The following LRMDA variants were observed in gnomAD, a reference collection of about 807,000 sequenced individuals.
The protein encoded by LRMDA is leucine rich melanocyte differentiation associated.
Under a neutral mutation model 29.8 loss-of-function variants are expected in LRMDA, and 18 were observed. The observed-to-expected ratio is 0.60, with a 90% CI of 0.42 to 0.90. The LOEUF (loss-of-function observed/expected upper bound fraction) is 0.90. LRMDA is among the 40% of genes least tolerant of loss of function. The pLI is 0.00. For synonymous variants in LRMDA, 125 were observed against 109.4 expected, an observed-to-expected ratio of 1.14 and a Z score of -0.89; for missense variants, 273 against 273.9, an observed-to-expected ratio of 1.00 and a Z score of 0.02.
chr10:75,807,696 C>T (rs1843880231), intron 2 of LRMDA, among the ~76,000 whole-genome samples: 1 of 152,024 alleles, frequency 6.6e-6, no homozygotes, highest in African/African-American at 2.4e-5. Flanking sequence ...ATATAAGAGG[C>T]TGTGGGAATG....
At chr10:75,783,163 A>G (rs1049239432) in intron 2 of LRMDA, 3 of 1,121,158 alleles carry the variant, frequency 2.7e-6, no homozygotes, top group Admixed American at 4.2e-5. Flanking sequence ...TTCTTTTAAC[A>G]TTGTCAGTGA....
intron 2 of LRMDA, among the ~76,000 whole-genome samples, chr10:75,686,959 A>G (rs1564539888): frequency 6.6e-6 from 1 of 152,142 alleles, no homozygotes; most frequent in Non-Finnish European, 1.5e-5. Context: ...TGTTCCCATT[A>G]TAATTGTTTT....
intron 6 of LRMDA, among the ~76,000 whole-genome samples, chr10:76,412,384 G>C (rs1009916461): frequency 5.3e-5 from 8 of 152,166 alleles, no homozygotes; most frequent in Non-Finnish European, 1.0e-4. Context: ...CAGAAAGGAA[G>C]GCACACAACC....
In LRMDA at chr10:75,741,951, G is replaced by A. The variant is rs139444117; in HGVS notation, c.132-294057G>A. On this transcript the variant is annotated intron_variant, in intron 2 of 6. Coordinates refer to ENST00000611255, the MANE Select transcript of LRMDA (RefSeq NM_001305581.2). ...CCTTATAAAAGGAATCCGTGAGAGCGCTGTGAGGACAGAATGCAAAGACAG... is the reference window on the plus strand; with the variant it reads ...CCTTATAAAAGGAATCCGTGAGAGCACTGTGAGGACAGAATGCAAAGACAG... 1.3e-4 allele frequency among the ~76,000 whole-genome samples: 20 copies of A among 152,250 alleles called. No homozygotes were observed. In the East Asian group the frequency reaches 3.5e-3, roughly 27 times the overall value.
chr10:76,335,179 T>C (rs1353084680), intron 6 of LRMDA, among the ~76,000 whole-genome samples: 1 of 152,226 alleles, frequency 6.6e-6, no homozygotes, highest in Non-Finnish European at 1.5e-5. Flanking sequence ...ATTCTACATT[T>C]CCAGTTAGCT....
At chr10:76,479,610 A>G (rs1002001912) in intron 6 of LRMDA, among the ~76,000 whole-genome samples, 1 of 151,876 alleles carries the variant, frequency 6.6e-6, no homozygotes, top group African/African-American at 2.4e-5. Flanking sequence ...GATGAGAAAC[A>G]CCAAATGCTA....
At chr10:75,508,291 G>A (rs1845190576) in intron 2 of LRMDA, among the ~76,000 whole-genome samples, 1 of 152,080 alleles carries the variant, frequency 6.6e-6, no homozygotes. Context: ...TCCACCATTA[G>A]CAATCATTCT....
At chr10:75,796,056 A>G (rs1377278767) in intron 2 of LRMDA, among the ~76,000 whole-genome samples, 3 of 152,220 alleles carry the variant, frequency 2.0e-5, no homozygotes, top group Admixed American at 2.0e-4. Flanking sequence ...GTATCTAGCA[A>G]CCTTGCTAAA....
At chr10:75,849,434 T>C (rs960582191) in intron 2 of LRMDA, among the ~76,000 whole-genome samples, 2 of 151,960 alleles carry the variant, frequency 1.3e-5, no homozygotes, top group Non-Finnish European at 2.9e-5. Flanking sequence ...TAAAAAGGAA[T>C]GAGATCATGT....
chr10:76,196,536 A>G (rs563022864), intron 5 of LRMDA, among the ~76,000 whole-genome samples: 3 of 152,092 alleles, frequency 2.0e-5, no homozygotes, highest in Non-Finnish European at 4.4e-5. Context: ...ACTTCCTTAC[A>G]CTGCTTTGCT....
intron 6 of LRMDA, among the ~76,000 whole-genome samples, chr10:76,486,962 A>C (rs1842788272): frequency 6.6e-6 from 1 of 151,882 alleles, no homozygotes; most frequent in Non-Finnish European, 1.5e-5. Context: ...TTGGACAACT[A>C]ATAAAGATGC....
intron 4 of LRMDA, among the ~76,000 whole-genome samples, chr10:76,054,540 G>A (rs557088217): frequency 6.6e-6 from 1 of 151,826 alleles, no homozygotes; most frequent in Non-Finnish European, 1.5e-5. Flanking sequence ...CCCCGTGAAG[G>A]CATCCTTCAC....
intron 2 of LRMDA, among the ~76,000 whole-genome samples, chr10:75,775,372 C>T (rs1843298208): frequency 6.6e-6 from 1 of 152,250 alleles, no homozygotes; most frequent in African/African-American, 2.4e-5. Flanking sequence ...CCTCTTGCAT[C>T]AACCTCTCCA....
intron 2 of LRMDA, among the ~76,000 whole-genome samples, chr10:75,709,021 G>A (rs1409952448): frequency 6.6e-6 from 1 of 152,150 alleles, no homozygotes; most frequent in Non-Finnish European, 1.5e-5. Context: ...TTGGGAAATG[G>A]ATTCCATACC....
rs183683533 is a variant in LRMDA at position 76,272,094 on chromosome 10, T to G, written c.517-52307T>G. 6.6e-5 allele frequency among the ~76,000 whole-genome samples: 10 copies of G among 152,330 alleles called. No individual in the cohort carries two copies. The East Asian group carries it at 1.9e-3, about 29-fold the overall frequency. Reference sequence around the variant, plus strand: ...TGTTGGTCTTCCATGGTACTTCTCCTGGAGGATAGCATATGTTATTCCCAC... The same window carrying G: ...TGTTGGTCTTCCATGGTACTTCTCCGGGAGGATAGCATATGTTATTCCCAC... On this transcript the variant is annotated intron_variant, in intron 5 of 6. Transcript: ENST00000611255.
chr10:75,906,075 C>T (rs1845754220), intron 2 of LRMDA, among the ~76,000 whole-genome samples: 1 of 151,676 alleles, frequency 6.6e-6, no homozygotes, highest in Non-Finnish European at 1.5e-5. Context: ...AGCTCCACCC[C>T]TGCCACAGAG....
chr10:76,039,940 G>A (rs1848314138), intron 3 of LRMDA, among the ~76,000 whole-genome samples: 1 of 152,208 alleles, frequency 6.6e-6, no homozygotes, highest in Non-Finnish European at 1.5e-5. Context: ...CCAGAGTACA[G>A]ATATACTTCT....
intron 5 of LRMDA, among the ~76,000 whole-genome samples, chr10:76,147,705 C>T (rs1297248950): frequency 1.3e-5 from 2 of 152,160 alleles, no homozygotes; most frequent in African/African-American, 4.8e-5. Flanking sequence ...ATTCTCCATC[C>T]AGCTTTGTTC....
chr10:76,512,718 C>G (rs1843021025), intron 6 of LRMDA, among the ~76,000 whole-genome samples: 1 of 152,082 alleles, frequency 6.6e-6, no homozygotes, highest in Admixed American at 6.5e-5. Context: ...AATAGTGACC[C>G]TTAGAATCAC....
Sources: gnomAD v4.1 joint callset for allele counts (sites outside exome capture counted in the v4.1 genomes callset) on GRCh38, gnomAD v4.1.1 for gene constraint, MANE v1.5 for transcripts, NCBI Gene and HGNC (gene_info 2026-07-23, HGNC 2026-07-21) for gene names.